Variants in ITGBL1 observed in about 807,000 individuals in gnomAD.
The protein encoded by ITGBL1 is integrin beta-like protein 1.
ITGBL1 carries 51 observed loss-of-function variants against 68.5 expected under a neutral mutation model. That is an observed-to-expected ratio of 0.74 (90% CI 0.59 to 0.94). The LOEUF (loss-of-function observed/expected upper bound fraction) is 0.94, where lower values mean the gene tolerates loss of function less well. ITGBL1 is among the 40% of genes least tolerant of loss of function. ITGBL1 has a pLI of 0.00. For missense variants in ITGBL1, 649 were observed against 647.4 expected, an observed-to-expected ratio of 1.00 and a Z score of -0.03; for synonymous variants, 209 against 227.3, an observed-to-expected ratio of 0.92 and a Z score of 0.72.
At chr13:101,567,971 G>A in intron 3 of ITGBL1, 126 bp downstream of exon 3, 1 of 714,536 alleles carries the variant, frequency 1.4e-6, no homozygotes, top group Non-Finnish European at 2.2e-6. Context: ...TTTTTTAGAA[G>A]TGAAATTCAG....
chr13:101,555,722 G>A (rs1177888850), intron 2 of ITGBL1, among the ~76,000 whole-genome samples: 2 of 151,982 alleles, frequency 1.3e-5, no homozygotes, highest in African/African-American at 4.8e-5. Flanking sequence ...TAAAACATTG[G>A]TTAGCACTTT....
At chr13:101,613,205 A>G (rs2031214909) in intron 7 of ITGBL1, among the ~76,000 whole-genome samples, 1 of 152,206 alleles carries the variant, frequency 6.6e-6, no homozygotes, top group South Asian at 2.1e-4. Context: ...ACTTTAATAT[A>G]CAATTTTACG....
chr13:101,718,650 C>T (rs1358632590), downstream of ITGBL1: 1 of 152,024 alleles, frequency 6.6e-6, no homozygotes, highest in East Asian at 1.9e-4. Flanking sequence ...AGCCATTATA[C>T]CCGTTGTCTT....
At chr13:101,460,201 G>A (rs1311566675) in intron 2 of ITGBL1, among the ~76,000 whole-genome samples, 1 of 151,732 alleles carries the variant, frequency 6.6e-6, no homozygotes, top group Non-Finnish European at 1.5e-5. Flanking sequence ...CCTCTCTTTC[G>A]CAAAATAGCC....
At chr13:101,465,861 G>T (rs2048375580) in intron 2 of ITGBL1, among the ~76,000 whole-genome samples, 1 of 152,152 alleles carries the variant, frequency 6.6e-6, no homozygotes, top group Non-Finnish European at 1.5e-5. Context: ...TACCATTATG[G>T]CTATGGAATA....
chr13:101,568,841 A>G (rs1313590157), intron 3 of ITGBL1, among the ~76,000 whole-genome samples: 1 of 152,124 alleles, frequency 6.6e-6, no homozygotes, highest in Non-Finnish European at 1.5e-5. Context: ...TGTTTTGCTG[A>G]TAGGAATCAG....
At chr13:101,685,445 C>A (rs968080816) in intron 7 of ITGBL1, among the ~76,000 whole-genome samples, 1 of 151,954 alleles carries the variant, frequency 6.6e-6, no homozygotes, top group African/African-American at 2.4e-5. Flanking sequence ...TTTTTAAAAT[C>A]TTGGGCATAA....
In ITGBL1 at chr13:101,453,964, C is replaced by T. The variant is rs1172245148; in HGVS notation, c.180C>T (p.Ala60=). The T allele has an allele frequency of 4.6e-6, 7 of 1,510,624 alleles. No individual in the cohort carries two copies. The highest frequency in any genetic ancestry group is 1.3e-5 in the South Asian group (1 of 79,114). The allele number at this position is 1,510,624 out of a possible 1,614,324, so 93.6% of individuals were successfully genotyped here. ...RCRAPGQPPG[A]ALCHGRGRCD... ...GCGCACCTGGGCAGCCCCCGGGGGC[C>T]GCGCTGTGCCACGGCCGGGGCCGCT... The change falls in exon 2 of 11, where the codon GCC becomes GCT. Residue 60 remains alanine, a synonymous_variant. Transcript: ENST00000376180.
chr13:101,506,505 T>C lies in ITGBL1; in HGVS notation c.316+52405T>C, dbSNP rs138219300. ...TGGGATGCTTAGAAGATTTGCCAAG[T>C]ATTCAGGGTGAAGTAGCAGGTGCAC... is the stretch of plus-strand genomic sequence containing the variant. On this transcript the variant is annotated intron_variant, in intron 2 of 10. Transcript: ENST00000376180. Among the ~76,000 whole-genome samples the C allele has an allele frequency of 5.9e-5, 9 of 152,218 alleles. No individual in the cohort carries two copies. In the East Asian group the frequency reaches 1.7e-3, roughly 29 times the overall value.
chr13:101,575,055 G>T (rs1345960096), intron 3 of ITGBL1, among the ~76,000 whole-genome samples: 2 of 152,118 alleles, frequency 1.3e-5, no homozygotes, highest in Non-Finnish European at 2.9e-5. Context: ...AAGCAAGGTT[G>T]CTTCCCTCAC....
intron 7 of ITGBL1, among the ~76,000 whole-genome samples, chr13:101,627,601 C>A (rs2031830882): frequency 6.6e-6 from 1 of 152,138 alleles, no homozygotes; most frequent in Non-Finnish European, 1.5e-5. Flanking sequence ...TACAAATCCC[C>A]TGTGCTCCAC....
intron 2 of ITGBL1, among the ~76,000 whole-genome samples, chr13:101,486,672 C>T (rs2048707011): frequency 6.6e-6 from 1 of 152,052 alleles, no homozygotes; most frequent in Non-Finnish European, 1.5e-5. Flanking sequence ...AAGTCTAGAC[C>T]TCTTGCAGCT....
At chr13:101,630,967 C>T (rs1311103203) in intron 7 of ITGBL1, among the ~76,000 whole-genome samples, 5 of 152,120 alleles carry the variant, frequency 3.3e-5, no homozygotes, top group South Asian at 2.1e-4. Flanking sequence ...TTCGACTTGT[C>T]GCTTTGCTGG....
chr13:101,621,546 G>T (rs2031583948), intron 7 of ITGBL1, among the ~76,000 whole-genome samples: 1 of 152,006 alleles, frequency 6.6e-6, no homozygotes, highest in South Asian at 2.1e-4. Flanking sequence ...CACCCAGATT[G>T]CTGCTAAGCC....
intron 2 of ITGBL1, among the ~76,000 whole-genome samples, chr13:101,460,909 CAA>C (rs1430414927): frequency 6.6e-6 from 1 of 152,170 alleles, no homozygotes; most frequent in East Asian, 1.9e-4. Context: ...CCCCATAACC[CAA>C]ACACTTCCCA....
At chr13:101,617,340 T>G (rs558385842) in intron 7 of ITGBL1, among the ~76,000 whole-genome samples, 8 of 152,004 alleles carry the variant, frequency 5.3e-5, no homozygotes, top group Non-Finnish European at 1.2e-4. Context: ...TTAAGGATAA[T>G]TGGTAACAAG....
At chr13:101,492,631 C>T (rs913569176) in intron 2 of ITGBL1, among the ~76,000 whole-genome samples, 2 of 152,158 alleles carry the variant, frequency 1.3e-5, no homozygotes, top group Non-Finnish European at 2.9e-5. Context: ...CTTTCCTTTG[C>T]CTTTCTTTTC....
At chr13:101,567,589 AT>A in intron 2 of ITGBL1, 109 bp from the exon 3 acceptor site, 1 of 1,008,884 alleles carries the variant, frequency 9.9e-7, no homozygotes, top group Non-Finnish European at 1.4e-6. Flanking sequence ...ATGAGTTTCA[AT>A]TTATTATAGC....
chr13:101,575,415 ATGGTT>A lies in ITGBL1; in HGVS notation c.464-7_464-3del, dbSNP rs1566738445. ...GTAACAAACAGTCTTTTTTGTTTTCATGGTTTAGGTACATGTCACTGTGGCAGGTG... is the reference window on the plus strand; with the variant it reads ...GTAACAAACAGTCTTTTTTGTTTTCATAGGTACATGTCACTGTGGCAGGTG... On this transcript the variant is annotated splice_polypyrimidine_tract_variant and splice_region_variant and intron_variant, in intron 3 of 10. Coordinates refer to ENST00000376180, the MANE Select transcript of ITGBL1 (RefSeq NM_004791.3). 1 of 1,604,900 alleles carries A rather than the reference ATGGTT, an allele frequency of 6.2e-7. No individual in the cohort carries two copies. The highest frequency in any genetic ancestry group is 8.5e-7 in the Non-Finnish European group (1 of 1,176,802).
Sources: gnomAD v4.1 joint callset for allele counts (sites outside exome capture counted in the v4.1 genomes callset) on GRCh38, gnomAD v4.1.1 for gene constraint, MANE v1.5 for transcripts, NCBI Gene and HGNC (gene_info 2026-07-23, HGNC 2026-07-21) for gene names.